The following CADM1 variants were observed in gnomAD, a reference collection of about 807,000 sequenced individuals.
CADM1 encodes TSLC-1.
CADM1 carries 15 observed loss-of-function variants against 53.1 expected under a neutral mutation model. That is an observed-to-expected ratio of 0.28 (90% CI 0.19 to 0.44). The LOEUF (loss-of-function observed/expected upper bound fraction) is 0.44. Among genes scored for constraint, CADM1 ranks in the 20% least tolerant of loss-of-function variants. The probability of loss-of-function intolerance (pLI) is 1.00; values close to 1 mark genes in which losing one functional copy is unlikely to be tolerated. For synonymous variants in CADM1, 281 were observed against 243.0 expected (o/e 1.16, Z -1.45); for missense variants, 434 against 611.3 (o/e 0.71, Z 3.06).
intron 1 of CADM1, among the ~76,000 whole-genome samples, chr11:115,292,313 A>T (rs1487317029): frequency 6.6e-6 from 1 of 152,228 alleles, no homozygotes; most frequent in Non-Finnish European, 1.5e-5. Context: ...TATTTTTTGT[A>T]GCTTCATGCA....
At chr11:115,359,800 T>C (rs1178759444) in intron 1 of CADM1, among the ~76,000 whole-genome samples, 1 of 152,184 alleles carries the variant, frequency 6.6e-6, no homozygotes, top group African/African-American at 2.4e-5. Context: ...CTTTGTACTG[T>C]TCCAAATACA....
At chr11:115,446,455 G>A (rs974249089) in intron 1 of CADM1, among the ~76,000 whole-genome samples, 1 of 152,104 alleles carries the variant, frequency 6.6e-6, no homozygotes, top group Non-Finnish European at 1.5e-5. Context: ...CACGTGTTTG[G>A]AACTGCTGCC....
intron 5 of CADM1, among the ~76,000 whole-genome samples, chr11:115,220,752 C>T (rs1279310056): frequency 6.6e-6 from 1 of 152,324 alleles, no homozygotes; most frequent in South Asian, 2.1e-4. Flanking sequence ...AAAATAAATT[C>T]TGTTCCCCTT....
At chr11:115,491,261 T>C (rs967266803) in intron 1 of CADM1, among the ~76,000 whole-genome samples, 1 of 151,946 alleles carries the variant, frequency 6.6e-6, no homozygotes, top group Non-Finnish European at 1.5e-5. Context: ...TGCAAGTAAC[T>C]TGATGAATTA....
rs972475382 is a variant in CADM1, at chr11:115,438,892, T to C, written c.124+65379A>G. ...CCGAGAAGCTATCTGATGGTTTCTT[T>C]TGCCTGCATCAGTCAAAAAAAAGAC... On this transcript the variant is annotated intron_variant, in intron 1 of 11. Transcript: ENST00000331581. 2.6e-5 allele frequency among the ~76,000 whole-genome samples: 4 copies of C among 152,304 alleles called. No homozygotes were observed. The East Asian group carries it at 7.8e-4, about 30-fold the overall frequency.
rs538149969 is a variant in CADM1 at position 115,430,479 on chromosome 11, A to G, written c.124+73792T>C. On this transcript the variant is annotated intron_variant, in intron 1 of 11. Transcript: ENST00000331581. ...CTTGGAGAATTAGCCTTAAGCTGCC[A>G]ACATCAAAGCAAAAGAGTCCTGCCT... is the stretch of plus-strand genomic sequence containing the variant. Among the ~76,000 whole-genome samples, 64 of 152,358 alleles carry G rather than the reference A, an allele frequency of 4.2e-4. No homozygotes were observed. The South Asian group carries it at 0.013, about 30-fold the overall frequency.
intron 1 of CADM1, among the ~76,000 whole-genome samples, chr11:115,440,500 T>C (rs1406387552): frequency 6.6e-6 from 1 of 152,228 alleles, no homozygotes; most frequent in Non-Finnish European, 1.5e-5. Flanking sequence ...GTTTACCAGA[T>C]AGATCTCAAA....
At chr11:115,431,561 G>A (rs570285968) in intron 1 of CADM1, among the ~76,000 whole-genome samples, 1 of 152,206 alleles carries the variant, frequency 6.6e-6, no homozygotes, top group Middle Eastern at 3.4e-3. Context: ...ATAACTCTTA[G>A]AACAAGGCCC....
intron 6 of CADM1, 104 bp downstream of exon 6, chr11:115,217,788 G>T: frequency 1.3e-6 from 1 of 781,182 alleles, no homozygotes; most frequent in Non-Finnish European, 2.3e-6. Context: ...TCCATCCTTT[G>T]CAGCAGGAGA....
intron 1 of CADM1, among the ~76,000 whole-genome samples, chr11:115,428,253 A>G (rs1947947583): frequency 1.3e-5 from 2 of 152,120 alleles, no homozygotes; most frequent in African/African-American, 4.8e-5. Flanking sequence ...TGCTATCTAG[A>G]TATTTATGGG....
chr11:115,261,413 A>G (rs907651021), intron 1 of CADM1, among the ~76,000 whole-genome samples: 1 of 152,170 alleles, frequency 6.6e-6, no homozygotes, highest in African/African-American at 2.4e-5. Flanking sequence ...TTCTAATTAT[A>G]AAAATTATAT....
intron 4 of CADM1, among the ~76,000 whole-genome samples, chr11:115,229,823 T>C (rs757016126): frequency 9.4e-4 from 143 of 152,168 alleles, no homozygotes; most frequent in Non-Finnish European, 1.8e-3. Flanking sequence ...TTTACATAAT[T>C]GAAATTGTAA....
chr11:115,353,774 G>A (rs1334311800), intron 1 of CADM1, among the ~76,000 whole-genome samples: 1 of 152,152 alleles, frequency 6.6e-6, no homozygotes, highest in African/African-American at 2.4e-5. Flanking sequence ...TGGGAAAGGA[G>A]GGTGGTAAGT....
intron 5 of CADM1, among the ~76,000 whole-genome samples, chr11:115,227,207 G>T (rs1485118385): frequency 1.3e-5 from 2 of 152,228 alleles, no homozygotes; most frequent in South Asian, 4.1e-4. Flanking sequence ...GCAATTAAAG[G>T]CTCGCAGTAC....
At chr11:115,295,526 A>ATAT (rs1381680229) in intron 1 of CADM1, among the ~76,000 whole-genome samples, 8 of 80,986 alleles carry the variant, frequency 9.9e-5, no homozygotes, top group Non-Finnish European at 1.6e-4. Context: ...ATATATATAT[A>ATAT]TATATATATA....
chr11:115,291,038 C>G (rs930887488), intron 1 of CADM1, among the ~76,000 whole-genome samples: 7 of 152,100 alleles, frequency 4.6e-5, no homozygotes, highest in African/African-American at 1.7e-4. Flanking sequence ...TTCAAGATAG[C>G]GTAGTGCCCA....
intron 1 of CADM1, among the ~76,000 whole-genome samples, chr11:115,353,741 T>C (rs56336310): frequency 0.039 from 5,867 of 152,172 alleles, 285 homozygotes; most frequent in African/African-American, 0.11. Flanking sequence ...GTATTCAGAT[T>C]CTCATTCTGC....
intron 7 of CADM1, among the ~76,000 whole-genome samples, chr11:115,211,362 C>T (rs780201493): frequency 2.0e-5 from 3 of 152,058 alleles, no homozygotes; most frequent in Non-Finnish European, 4.4e-5. Flanking sequence ...GCCTGCTGCC[C>T]AGCACAGGGT....
At position 115,504,293 on chromosome 11, in the gene CADM1, G is replaced by T. The variant is rs752746586; in HGVS notation, c.102C>A (p.Ser34=). 2.0e-5 allele frequency: 31 copies of T among 1,567,878 alleles called. No homozygotes were observed. Among genetic ancestry groups the T allele is most frequent in the Middle Eastern group, 1.7e-4 (1 of 6,028 alleles). ...LRLRLLLLLF[S]AAALIPTGDG... is the part of the protein sequence containing the mutation. ...TACCTGTGGGGATCAGTGCCGCGGC[G>T]GAGAAGAGCAACAGCAGAAGCCGGA... Residue 34 remains serine (S), a synonymous_variant, in exon 1 of 12, where the codon TCC becomes TCA. Coordinates refer to ENST00000331581, the MANE Select transcript of CADM1 (RefSeq NM_001301043.2).
Sources: gnomAD v4.1 joint callset for allele counts (sites outside exome capture counted in the v4.1 genomes callset) on GRCh38, gnomAD v4.1.1 for gene constraint, MANE v1.5 for transcripts, NCBI Gene and HGNC (gene_info 2026-07-23, HGNC 2026-07-21) for gene names.